SH3BGR: variants seen among roughly 807,000 people sequenced by gnomAD.
SH3BGR encodes the protein SH3 domain-binding glutamic acid-rich protein.
Under a neutral mutation model 24.5 loss-of-function variants are expected in SH3BGR, and 29 were observed. That is an observed-to-expected ratio of 1.18 (90% CI 0.88 to 1.61). The LOEUF (loss-of-function observed/expected upper bound fraction) is 1.61. Ranked by LOEUF, SH3BGR falls within the 40% of genes most tolerant of loss-of-function variation. SH3BGR has a pLI of 0.00. For synonymous variants in SH3BGR, 55 were observed against 65.7 expected (o/e 0.84, Z 0.79); for missense variants, 162 against 205.8 (o/e 0.79, Z 1.30).
At chr21:39,465,655 A>G (rs1602088587) in intron 2 of SH3BGR, among the ~76,000 whole-genome samples, 1 of 152,014 alleles carries the variant, frequency 6.6e-6, no homozygotes, top group Non-Finnish European at 1.5e-5. Flanking sequence ...CAGTGGCGCA[A>G]TCATAGCTCA....
At chr21:39,504,618 T>A (rs549316430) in intron 4 of SH3BGR, among the ~76,000 whole-genome samples, 33 of 152,310 alleles carry the variant, frequency 2.2e-4, no homozygotes, top group African/African-American at 7.5e-4. Context: ...GAAATTACTT[T>A]AAGGTGTATG....
chr21:39,504,014 AATGAAC>A (rs1602168004), intron 4 of SH3BGR, among the ~76,000 whole-genome samples: 2 of 152,356 alleles, frequency 1.3e-5, no homozygotes. Context: ...TTCTCTAAGA[AATGAAC>A]TGCAGACTGG....
chr21:39,462,462 A>G lies in SH3BGR; in HGVS notation c.133A>G (p.Asn45Asp), dbSNP rs760304040. ...KELDIAGDED[N>D]RRWMRENVPG... The stretch of plus-strand genomic sequence containing the variant: ...ATTAGATATTGCTGGAGATGAAGAC[A>G]ACAGGAGGTGGATGAGAGAGAATGT... The change falls in exon 2 of 7, where the codon AAC becomes GAC. Residue 45 changes from asparagine (N) to aspartate (D), a missense_variant. Asn to Asp is a conservative substitution (Grantham distance 23, BLOSUM62 1). Transcript: ENST00000333634. 2 of 1,609,420 alleles carry G rather than the reference A, an allele frequency of 1.2e-6. No individual in the cohort carries two copies. Among genetic ancestry groups the G allele is most frequent in the Non-Finnish European group, 1.7e-6 (2 of 1,179,010 alleles).
chr21:39,512,179 C>T (rs1281614212), intron 6 of SH3BGR, among the ~76,000 whole-genome samples: 1 of 152,114 alleles, frequency 6.6e-6, no homozygotes, highest in Non-Finnish European at 1.5e-5. Context: ...ATTCTGTAAC[C>T]TCAACTCCTC....
At chr21:39,508,024 T>G (rs543091030) in intron 4 of SH3BGR, among the ~76,000 whole-genome samples, 1 of 152,208 alleles carries the variant, frequency 6.6e-6, no homozygotes, top group African/African-American at 2.4e-5. Flanking sequence ...TGAGTCCTGA[T>G]TGTGTTGACT....
chr21:39,464,955 G>A (rs2077816311), intron 2 of SH3BGR, among the ~76,000 whole-genome samples: 1 of 152,080 alleles, frequency 6.6e-6, no homozygotes, highest in Non-Finnish European at 1.5e-5. Flanking sequence ...ATGGTATCTA[G>A]TGAAAATTAT....
At chr21:39,497,733 G>A (rs944178430) in intron 3 of SH3BGR, among the ~76,000 whole-genome samples, 1 of 152,068 alleles carries the variant, frequency 6.6e-6, no homozygotes, top group African/African-American at 2.4e-5. Context: ...TAAAAAATAT[G>A]CCCTTATTTC....
At chr21:39,478,855 T>A (rs1186394901) in intron 3 of SH3BGR, among the ~76,000 whole-genome samples, 1 of 152,154 alleles carries the variant, frequency 6.6e-6, no homozygotes, top group Non-Finnish European at 1.5e-5. Flanking sequence ...TATCTCTGCA[T>A]GTTCCCTTAT....
At chr21:39,475,086 G>A (rs752178443) in intron 2 of SH3BGR, 49 bp from the exon 3 acceptor site, 16 of 1,146,006 alleles carry the variant, frequency 1.4e-5, no homozygotes, top group Middle Eastern at 2.1e-4. Flanking sequence ...TAAATAAACT[G>A]GCTCACAAGT....
intron 3 of SH3BGR, among the ~76,000 whole-genome samples, chr21:39,484,736 G>A (rs1439250271): frequency 6.6e-6 from 1 of 152,178 alleles, no homozygotes; most frequent in African/African-American, 2.4e-5. Context: ...AAAGAACCCC[G>A]CTAATTAGCA....
intron 2 of SH3BGR, among the ~76,000 whole-genome samples, chr21:39,471,324 A>G (rs1418162686): frequency 1.3e-5 from 2 of 152,146 alleles, no homozygotes; most frequent in East Asian, 3.9e-4. Context: ...TTGCACGCCT[A>G]TAATCCTAGC....
At chr21:39,474,197 T>C (rs1300306550) in intron 2 of SH3BGR, among the ~76,000 whole-genome samples, 2 of 152,092 alleles carry the variant, frequency 1.3e-5, no homozygotes, top group Non-Finnish European at 2.9e-5. Flanking sequence ...TGAACTCATG[T>C]TCAAGGAATC....
chr21:39,496,655 A>G (rs988837720), intron 3 of SH3BGR, among the ~76,000 whole-genome samples: 3 of 152,148 alleles, frequency 2.0e-5, no homozygotes, highest in African/African-American at 4.8e-5. Context: ...AAAAATTTGT[A>G]GGTTTTGTTT....
intron 4 of SH3BGR, among the ~76,000 whole-genome samples, chr21:39,502,287 CTGTG>C (rs979313524): frequency 1.3e-5 from 2 of 152,208 alleles, no homozygotes; most frequent in African/African-American, 4.8e-5. Context: ...AGGGAGAGCT[CTGTG>C]TGTTTTGAAC....
At chr21:39,474,595 T>G (rs990258324) in intron 2 of SH3BGR, among the ~76,000 whole-genome samples, 9 of 152,136 alleles carry the variant, frequency 5.9e-5, no homozygotes, top group African/African-American at 2.2e-4. Context: ...GCATCAGATT[T>G]CAATCCACTA....
upstream of SH3BGR, chr21:39,445,903 C>G (rs998195168): frequency 6.6e-6 from 1 of 152,308 alleles, no homozygotes; most frequent in Non-Finnish European, 1.5e-5. Context: ...GTCAGTGTGG[C>G]CTCGCGTTTG....
intron 3 of SH3BGR, chr21:39,488,495 T>G (rs1050997426): frequency 3.1e-6 from 1 of 326,562 alleles, no homozygotes; most frequent in East Asian, 8.1e-5. Context: ...ACCTCAGGAG[T>G]GATGAGATGA....
At position 39,468,045 on chromosome 21, in the gene SH3BGR, AAGGGCCGG is replaced by A. The variant is rs550422514; in HGVS notation, c.231+5488_231+5495del. On this transcript the variant is annotated intron_variant, in intron 2 of 6. Coordinates refer to ENST00000333634, the MANE Select transcript of SH3BGR (RefSeq NM_007341.3). ...GGCATCTGTGCATTTTAGCCCAGGT[AAGGGCCGG>A]AGTGCCTGCCTGGGACCAAGATAGC... Among the ~76,000 whole-genome samples, 6 of 152,300 alleles carry A rather than the reference AAGGGCCGG, an allele frequency of 3.9e-5. No individual in the cohort carries two copies. In the South Asian group the frequency reaches 1.2e-3, roughly 32 times the overall value.
chr21:39,451,011 G>A (rs1327941731), upstream of SH3BGR, among the ~76,000 whole-genome samples: 2 of 151,726 alleles, frequency 1.3e-5, no homozygotes, highest in East Asian at 3.9e-4. Flanking sequence ...TGGTAAAGTC[G>A]TACCTCAGTA....
Sources: allele counts gnomAD v4.1 joint callset (sites outside exome capture counted in the v4.1 genomes callset), GRCh38; gene constraint gnomAD v4.1.1; transcripts MANE v1.5; gene names NCBI Gene and HGNC (gene_info 2026-07-23, HGNC 2026-07-21).